SLC26A4: variants seen among roughly 807,000 people sequenced by gnomAD.
SLC26A4 encodes solute carrier family 26 member 4.
SLC26A4 carries 93 observed loss-of-function variants against 90.4 expected under a neutral mutation model. The observed-to-expected ratio is 1.03, with a 90% confidence interval of 0.87 to 1.22. The LOEUF (loss-of-function observed/expected upper bound fraction) is 1.22, where lower values mean the gene tolerates loss of function less well. SLC26A4 is among the 50% of genes most tolerant of loss of function. SLC26A4 has a pLI of 0.00. For synonymous variants in SLC26A4, 393 were observed against 354.6 expected, an observed-to-expected ratio of 1.11 and a Z score of -1.22; for missense variants, 1,127 against 946.2, an observed-to-expected ratio of 1.19 and a Z score of -2.51.
intron 10 of SLC26A4, chr7:107,693,018 G>T (rs1791619673): frequency 6.6e-6 from 1 of 152,428 alleles, no homozygotes; most frequent in Middle Eastern, 3.4e-3. Context: ...TCTTTCTCCA[G>T]TTCACAGAGC....
At chr7:107,715,307 C>A in intron 20 of SLC26A4, 116 bp from the exon 21 acceptor site, 1 of 834,174 alleles carries the variant, frequency 1.2e-6, no homozygotes, top group East Asian at 2.4e-5. Context: ...TGATATACAC[C>A]TAAGATGAGT....
chr7:107,662,111 G>A (rs1790575919), intron 2 of SLC26A4: 2 of 474,402 alleles, frequency 4.2e-6, no homozygotes, highest in African/African-American at 4.1e-5. Flanking sequence ...GCCTCTTGGG[G>A]TACAGTGGGT....
chr7:107,714,695 G>C (rs1448747102), intron 20 of SLC26A4, among the ~76,000 whole-genome samples: 2 of 152,124 alleles, frequency 1.3e-5, no homozygotes, highest in Admixed American at 1.3e-4. Flanking sequence ...TCAAGGGCAT[G>C]GACTTTAGAA....
intron 4 of SLC26A4, among the ~76,000 whole-genome samples, chr7:107,672,549 T>A (rs1053902312): frequency 6.6e-6 from 1 of 151,988 alleles, no homozygotes; most frequent in Admixed American, 6.6e-5. Flanking sequence ...CATTTTAGCA[T>A]GTTTTGCTTT....
chr7:107,662,545 C>G (rs1318580330), intron 2 of SLC26A4, among the ~76,000 whole-genome samples: 1 of 151,986 alleles, frequency 6.6e-6, no homozygotes, highest in Admixed American at 6.6e-5. Context: ...CTTGCTCCCT[C>G]CAGTATTATT....
intron 4 of SLC26A4, among the ~76,000 whole-genome samples, 185 bp from the exon 5 acceptor site, chr7:107,673,979 C>T (rs762098734): frequency 3.3e-5 from 5 of 152,136 alleles, no homozygotes; most frequent in Non-Finnish European, 7.3e-5. Flanking sequence ...GATCTTCCCA[C>T]CTCAGTCTCC....
chr7:107,671,263 A>G (rs1790858779), intron 3 of SLC26A4, among the ~76,000 whole-genome samples: 1 of 152,182 alleles, frequency 6.6e-6, no homozygotes, highest in Non-Finnish European at 1.5e-5. Flanking sequence ...CCTGGGCTCA[A>G]ACAATCCTCC....
At chr7:107,663,558 C>A (rs1235878001) in intron 3 of SLC26A4, 123 bp downstream of exon 3, 1 of 1,069,892 alleles carries the variant, frequency 9.3e-7, no homozygotes, top group South Asian at 1.3e-5. Context: ...CCTGTAGAGC[C>A]CCTTAGTGGA....
At chr7:107,662,435 A>C (rs1218536667) in intron 2 of SLC26A4, among the ~76,000 whole-genome samples, 1 of 152,222 alleles carries the variant, frequency 6.6e-6, no homozygotes, top group African/African-American at 2.4e-5. Context: ...AAGTAGACGT[A>C]GTAGTATAAT....
chr7:107,677,567 TG>T (rs1216321158), intron 6 of SLC26A4, among the ~76,000 whole-genome samples: 1 of 152,058 alleles, frequency 6.6e-6, no homozygotes, highest in Non-Finnish European at 1.5e-5. Context: ...ATTCTTGATA[TG>T]TTTTTTCCTG....
intron 8 of SLC26A4, among the ~76,000 whole-genome samples, chr7:107,686,464 T>TTTTCTTTCTTTCTTTTCTTTCTG (rs1791423112): frequency 6.8e-6 from 1 of 146,762 alleles, no homozygotes; most frequent in Admixed American, 6.9e-5. Context: ...TTTTCTTTCT[T>TTTTCTTTCTTTCTTTTCTTTCTG]TCCTTCTTTC....
rs761139326 is a variant in SLC26A4 at position 107,701,970 on chromosome 7, C to A, written c.1947C>A (p.Asn649Lys). ...DWNSELPVKV[N>K]VPKVPIHSLV... ...ACTCTGAGCTTCCAGTCAAAGTGAACGTTCCCAAAGTGCCAATCCATAGCC... is the reference window on the plus strand; with the variant it reads ...ACTCTGAGCTTCCAGTCAAAGTGAAAGTTCCCAAAGTGCCAATCCATAGCC... The change falls in exon 17 of 21, where the codon AAC becomes AAA. Residue 649 changes from asparagine (N) to lysine (K), a missense_variant. Coordinates refer to ENST00000644269, the MANE Select transcript of SLC26A4 (RefSeq NM_000441.2). 2 of 1,613,862 alleles carry A rather than the reference C, an allele frequency of 1.2e-6. No homozygotes were observed. The highest frequency in any genetic ancestry group is 2.2e-5 in the South Asian group (2 of 91,080).
chr7:107,708,911 G>A (rs1367204618), intron 18 of SLC26A4, among the ~76,000 whole-genome samples: 1 of 152,180 alleles, frequency 6.6e-6, no homozygotes, highest in African/African-American at 2.4e-5. Context: ...ACTCTCAAGG[G>A]TGTGAGTCTC....
At chr7:107,699,719 A>G (rs1791832919) in intron 14 of SLC26A4, among the ~76,000 whole-genome samples, 1 of 152,134 alleles carries the variant, frequency 6.6e-6, no homozygotes, top group Admixed American at 6.5e-5. Context: ...ACTTGAGGTC[A>G]GGAGTTTGAG....
rs781160093 is a variant in SLC26A4, at chr7:107,674,857, T to C, written c.601-88T>C. ...TATAGGCAGGCTACTAGTGTTTTCA[T>C]TGGTATTAAGCTTGATGTAATATTT... On this transcript the variant is annotated intron_variant, in intron 5 of 20. Transcript: ENST00000644269. The C allele has an allele frequency of 3.9e-5, 50 of 1,286,176 alleles. No individual in the cohort carries two copies. The Middle Eastern group carries it at 6.5e-4, about 17-fold the overall frequency. 79.7% of individuals were successfully genotyped at this position (1,286,176 alleles called of 1,614,324 possible).
In SLC26A4 at chr7:107,683,529, C is replaced by T. The variant is rs774232219; in HGVS notation, c.993C>T (p.Ile331=). 1 of 1,613,370 alleles carries T rather than the reference C, an allele frequency of 6.2e-7. No homozygotes were observed. Among genetic ancestry groups the T allele is most frequent in the Non-Finnish European group, 8.5e-7 (1 of 1,179,454 alleles). ...KNYNAGIVKS[I]PRGFLPPELP... is the part of the protein sequence containing the mutation. ...ACAATGCTGGCATTGTTAAATCCATCCCAAGGGGGTGAGTGTGGTGTTCCT... is the reference window on the plus strand; with the variant it reads ...ACAATGCTGGCATTGTTAAATCCATTCCAAGGGGGTGAGTGTGGTGTTCCT... Residue 331 remains isoleucine, a synonymous_variant, in exon 8 of 21, where the codon ATC becomes ATT. Transcript: ENST00000644269.
chr7:107,671,804 C>T (rs1283722851), intron 3 of SLC26A4, among the ~76,000 whole-genome samples: 1 of 152,216 alleles, frequency 6.6e-6, no homozygotes, highest in African/African-American at 2.4e-5. Flanking sequence ...CAAAAATGCA[C>T]TTAATACACC....
intron 6 of SLC26A4, among the ~76,000 whole-genome samples, chr7:107,679,154 G>GCTA (rs924242925): frequency 5.3e-5 from 8 of 152,208 alleles, no homozygotes; most frequent in Non-Finnish European, 7.3e-5. Context: ...TACCCTTGAT[G>GCTA]CTACCATGTA....
chr7:107,681,114 G>A (rs1387232539), intron 6 of SLC26A4, among the ~76,000 whole-genome samples: 1 of 152,064 alleles, frequency 6.6e-6, no homozygotes, highest in Non-Finnish European at 1.5e-5. Context: ...GCATCATCTT[G>A]TTTCTGTCAG....
Sources: allele counts gnomAD v4.1 joint callset (sites outside exome capture counted in the v4.1 genomes callset), GRCh38; gene constraint gnomAD v4.1.1; transcripts MANE v1.5; gene names NCBI Gene and HGNC (gene_info 2026-07-23, HGNC 2026-07-21).